The following LRRC8C variants were observed in gnomAD, a reference collection of about 807,000 sequenced individuals.
LRRC8C encodes volume-regulated anion channel subunit LRRC8C.
Under a neutral mutation model 55.3 loss-of-function variants are expected in LRRC8C, and 20 were observed. The ratio of observed to expected loss-of-function variants is 0.36; its 90% CI spans 0.25 to 0.53. The LOEUF is 0.53. Among genes scored for constraint, LRRC8C ranks in the 20% least tolerant of loss-of-function variants. The pLI is 0.92. For synonymous variants in LRRC8C, 376 were observed against 360.7 expected, an observed-to-expected ratio of 1.04 and a Z score of -0.48; for missense variants, 659 against 951.4, an observed-to-expected ratio of 0.69 and a Z score of 4.04.
chr1:89,645,742 G>A (rs1656592991), intron 1 of LRRC8C, among the ~76,000 whole-genome samples: 1 of 151,918 alleles, frequency 6.6e-6, no homozygotes, highest in Admixed American at 6.5e-5. Flanking sequence ...GAACCCAATA[G>A]AATTAAATTA....
At chr1:89,681,456 C>A (rs1471218060) in intron 1 of LRRC8C, among the ~76,000 whole-genome samples, 1 of 152,128 alleles carries the variant, frequency 6.6e-6, no homozygotes, top group African/African-American at 2.4e-5. Context: ...AAATCTGGTA[C>A]ATCTGTGTAT....
chr1:89,620,397 T>C, the LRRC8C span, among the ~76,000 whole-genome samples: 1 of 152,066 alleles, frequency 6.6e-6, no homozygotes, highest in Non-Finnish European at 1.5e-5. Flanking sequence ...GAAGTGAACA[T>C]TTAAAGACTG....
At chr1:89,621,208 C>A in the LRRC8C span, among the ~76,000 whole-genome samples, 1 of 151,656 alleles carries the variant, frequency 6.6e-6, no homozygotes, top group South Asian at 2.1e-4. Flanking sequence ...CGCCTGTAAT[C>A]CCAACACTTT....
intron 1 of LRRC8C, among the ~76,000 whole-genome samples, chr1:89,665,307 A>T (rs1657230147): frequency 6.6e-6 from 1 of 152,292 alleles, no homozygotes; most frequent in Admixed American, 6.5e-5. Flanking sequence ...ACATTCCATT[A>T]ATACCTAGTT....
At chr1:89,629,891 G>C (rs1656061699), upstream of LRRC8C, 1 of 152,300 alleles carries the variant, frequency 6.6e-6, no homozygotes, top group African/African-American at 2.4e-5. Context: ...AGGCGTGGTG[G>C]CTCATGCCTA....
intron 1 of LRRC8C, among the ~76,000 whole-genome samples, chr1:89,644,798 T>G (rs1008771721): frequency 6.6e-6 from 1 of 152,230 alleles, no homozygotes; most frequent in Non-Finnish European, 1.5e-5. Context: ...TTAGGCTCCA[T>G]GTAAACCTAA....
intron 2 of LRRC8C, among the ~76,000 whole-genome samples, chr1:89,710,581 G>A (rs1319812711): frequency 9.9e-5 from 15 of 152,190 alleles, no homozygotes; most frequent in Admixed American, 9.8e-4. Context: ...CATCTCAGTA[G>A]CCACCAAATC....
At chr1:89,636,566 CTT>C (rs1656287935) in intron 1 of LRRC8C, among the ~76,000 whole-genome samples, 1 of 152,084 alleles carries the variant, frequency 6.6e-6, no homozygotes, top group African/African-American at 2.4e-5. Context: ...CTCCTGATCT[CTT>C]AGCCTTGTAT....
chr1:89,689,882 A>T (rs1273405509), intron 2 of LRRC8C, among the ~76,000 whole-genome samples: 1 of 152,136 alleles, frequency 6.6e-6, no homozygotes, highest in Non-Finnish European at 1.5e-5. Context: ...CAAAGGTTGC[A>T]GTGAGCCAAG....
chr1:89,680,549 C>CTTTTGTTTTTTTTTTT (rs1657677904), intron 1 of LRRC8C, among the ~76,000 whole-genome samples: 1 of 91,870 alleles, frequency 1.1e-5, no homozygotes. Context: ...TGCTTTCATG[C>CTTTTGTTTTTTTTTTT]TTTTTTTTTT....
intron 2 of LRRC8C, chr1:89,708,494 G>A (rs1291848698): frequency 6.6e-6 from 1 of 151,464 alleles, no homozygotes; most frequent in Non-Finnish European, 1.5e-5. Context: ...AAAAGGATAG[G>A]ACAGATAAAA....
At chr1:89,660,295 T>C (rs1218350425) in intron 1 of LRRC8C, among the ~76,000 whole-genome samples, 3 of 152,174 alleles carry the variant, frequency 2.0e-5, no homozygotes, top group Admixed American at 6.5e-5. Flanking sequence ...GCTGTACTTT[T>C]TATCACAAAC....
intron 1 of LRRC8C, among the ~76,000 whole-genome samples, chr1:89,636,903 A>T (rs6428560): frequency 0.53 from 80,543 of 152,050 alleles, 21,923 homozygotes; most frequent in East Asian, 0.79. Flanking sequence ...AGGGATTTTT[A>T]AAAAATTTCT....
intron 2 of LRRC8C, among the ~76,000 whole-genome samples, chr1:89,711,479 A>T (rs12124820): frequency 3.3e-5 from 5 of 152,390 alleles, no homozygotes; most frequent in Non-Finnish European, 7.3e-5. Context: ...AGGTACAAAT[A>T]GACTTTCCCT....
rs1658865984 is a variant in LRRC8C at position 89,717,669 on chromosome 1, A to T, written c.*2687A>T. On this transcript the variant is annotated 3_prime_UTR_variant, in exon 3 of 3. Coordinates refer to ENST00000370454, the MANE Select transcript of LRRC8C (RefSeq NM_032270.5). ...ATTGTAAGTTTTTGTTCACTTTCTT[A>T]AGTAAAAAAAACATTTAATTACTAG... is the stretch of plus-strand genomic sequence containing the variant. 1 of 152,148 alleles carries T rather than the reference A, an allele frequency of 6.6e-6. No individual in the cohort carries two copies. Among genetic ancestry groups the T allele is most frequent in the Admixed American group, 6.5e-5 (1 of 15,274 alleles). 9.4% of individuals were successfully genotyped at this position (152,148 alleles called of 1,614,324 possible). A position where few individuals can be genotyped will look rare whatever the true frequency, so the allele number is the denominator to read the frequency against.
chr1:89,627,407 C>T, the LRRC8C span, among the ~76,000 whole-genome samples: 2 of 151,972 alleles, frequency 1.3e-5, no homozygotes, highest in African/African-American at 4.8e-5. Context: ...TGCCTTAACT[C>T]GGAGCTACGG....
intron 2 of LRRC8C, chr1:89,706,245 C>T (rs762908990): frequency 2.2e-6 from 1 of 454,330 alleles, no homozygotes; most frequent in Non-Finnish European, 4.4e-6. Context: ...TTATGTTCTA[C>T]ATGTCTGGCA....
chr1:89,667,335 G>A (rs764020909), intron 1 of LRRC8C, among the ~76,000 whole-genome samples: 2 of 152,018 alleles, frequency 1.3e-5, no homozygotes, highest in Non-Finnish European at 2.9e-5. Flanking sequence ...GATTTCAGAT[G>A]TCTCTATCCA....
At chr1:89,645,783 G>C (rs1656594058) in intron 1 of LRRC8C, among the ~76,000 whole-genome samples, 1 of 151,982 alleles carries the variant, frequency 6.6e-6, no homozygotes, top group Non-Finnish European at 1.5e-5. Context: ...GTTTAGAAGA[G>C]CCTCAAATAT....
Sources: gnomAD v4.1 joint callset for allele counts (sites outside exome capture counted in the v4.1 genomes callset) on GRCh38, gnomAD v4.1.1 for gene constraint, MANE v1.5 for transcripts, NCBI Gene and HGNC (gene_info 2026-07-23, HGNC 2026-07-21) for gene names.